The following NRXN3 variants were observed in gnomAD, a reference collection of about 807,000 sequenced individuals.
NRXN3 encodes the protein neurexin III.
Under a neutral mutation model 137.6 loss-of-function variants are expected in NRXN3, and 32 were observed. That is an observed-to-expected ratio of 0.23 (90% confidence interval 0.18 to 0.31). The LOEUF is 0.31. Ranked by LOEUF, NRXN3 falls within the 10% of genes least tolerant of loss-of-function variation. The probability of loss-of-function intolerance (pLI) is 1.00; values close to 1 mark genes in which losing one functional copy is unlikely to be tolerated. For synonymous variants in NRXN3, 798 were observed against 784.5 expected (o/e 1.02, Z -0.29); for missense variants, 1,574 against 2,062.5 (o/e 0.76, Z 4.59).
intron 15 of NRXN3, among the ~76,000 whole-genome samples, chr14:79,162,456 T>C (rs575202666): frequency 9.4e-4 from 143 of 152,020 alleles, no homozygotes; most frequent in Non-Finnish European, 1.8e-3. Flanking sequence ...TCCATGTCCC[T>C]ACAAAGGACG....
intron 15 of NRXN3, among the ~76,000 whole-genome samples, chr14:79,030,194 T>C (rs2099605352): frequency 1.3e-5 from 2 of 151,734 alleles, no homozygotes; most frequent in South Asian, 4.2e-4. Flanking sequence ...TATAGAACAT[T>C]TAGCAGCATT....
At chr14:78,678,559 T>C (rs1252669260) in intron 6 of NRXN3, among the ~76,000 whole-genome samples, 1 of 152,170 alleles carries the variant, frequency 6.6e-6, no homozygotes, top group Non-Finnish European at 1.5e-5. Context: ...TTACTAGGTA[T>C]TGCCAAATTG....
chr14:79,208,541 T>A (rs1433335398), intron 15 of NRXN3, among the ~76,000 whole-genome samples: 1 of 152,214 alleles, frequency 6.6e-6, no homozygotes, highest in African/African-American at 2.4e-5. Flanking sequence ...TTAATATTCA[T>A]CTAAACTTTT....
At chr14:78,688,886 C>T (rs528376357) in intron 6 of NRXN3, among the ~76,000 whole-genome samples, 3 of 151,662 alleles carry the variant, frequency 2.0e-5, no homozygotes, top group South Asian at 4.2e-4. Flanking sequence ...TTAATAAAAT[C>T]AGGAGAAAAA....
chr14:79,132,914 G>C (rs567439010), intron 15 of NRXN3, among the ~76,000 whole-genome samples: 25 of 152,278 alleles, frequency 1.6e-4, no homozygotes, highest in African/African-American at 5.5e-4. Context: ...GTCCTGAGTT[G>C]GGCCAAGATG....
rs570263879 is a variant in NRXN3 at position 79,063,283 on chromosome 14, T to TTTTCTG, written c.3262+75145_3262+75146insCTGTTT. On this transcript the variant is annotated intron_variant, in intron 15 of 20. Coordinates refer to ENST00000335750, the MANE Select transcript of NRXN3 (RefSeq NM_001330195.2). Reference sequence around the variant, plus strand: ...TTGACAGTTATTTTATGTTTTTTTGTTTTTTGTTTTTGTTTTTGAGATGGA... The same window carrying TTTTCTG: ...TTGACAGTTATTTTATGTTTTTTTGTTTTCTGTTTTTGTTTTTGTTTTTGAGATGGA... Among the ~76,000 whole-genome samples the TTTTCTG allele has an allele frequency of 6.9e-4, 105 of 152,216 alleles. 1 individual carries two copies. The highest frequency in any genetic ancestry group is 2.0e-3 in the Admixed American group (30 of 15,276).
intron 19 of NRXN3, among the ~76,000 whole-genome samples, chr14:79,704,445 C>G (rs1295259930): frequency 6.6e-6 from 1 of 152,120 alleles, no homozygotes; most frequent in East Asian, 1.9e-4. Flanking sequence ...CCCTCTGGGT[C>G]CTTCCACCTT....
chr14:78,711,678 T>C (rs2098409573), intron 7 of NRXN3, among the ~76,000 whole-genome samples: 3 of 152,088 alleles, frequency 2.0e-5, no homozygotes. Context: ...TGACCTCAGA[T>C]GATCAACCCA....
At chr14:79,504,483 AG>A (rs1222601319) in intron 16 of NRXN3, among the ~76,000 whole-genome samples, 5 of 151,604 alleles carry the variant, frequency 3.3e-5, no homozygotes, top group Non-Finnish European at 7.4e-5. Context: ...AAAGACTACC[AG>A]GATTAAACCA....
intron 2 of NRXN3, among the ~76,000 whole-genome samples, chr14:78,272,598 C>T (rs1293233880): frequency 6.6e-6 from 1 of 152,202 alleles, no homozygotes; most frequent in Non-Finnish European, 1.5e-5. Flanking sequence ...GCATTTTACC[C>T]CTTTCCTCTG....
At chr14:78,878,325 C>G (rs1209890840) in intron 10 of NRXN3, among the ~76,000 whole-genome samples, 1 of 152,118 alleles carries the variant, frequency 6.6e-6, no homozygotes, top group Non-Finnish European at 1.5e-5. Context: ...GCACAAGTAA[C>G]CTTCAGAGAA....
At chr14:79,055,137 G>C (rs2099655542) in intron 15 of NRXN3, among the ~76,000 whole-genome samples, 1 of 152,136 alleles carries the variant, frequency 6.6e-6, no homozygotes, top group African/African-American at 2.4e-5. Context: ...GGCGTTAGCT[G>C]TCTCTATGTT....
At chr14:79,749,707 T>C (rs149884358) in intron 19 of NRXN3, among the ~76,000 whole-genome samples, 427 of 152,238 alleles carry the variant, frequency 2.8e-3, no homozygotes, top group African/African-American at 9.7e-3. Flanking sequence ...CCTCACCACA[T>C]TGAGGTGAGG....
chr14:79,191,292 G>C (rs1177815100), intron 15 of NRXN3, among the ~76,000 whole-genome samples: 2 of 152,204 alleles, frequency 1.3e-5, no homozygotes, highest in Non-Finnish European at 2.9e-5. Context: ...GAAATACAAA[G>C]GCATGGCCAG....
chr14:79,420,645 CA>C (rs2095562662), intron 15 of NRXN3, among the ~76,000 whole-genome samples: 1 of 151,986 alleles, frequency 6.6e-6, no homozygotes, highest in South Asian at 2.1e-4. Flanking sequence ...TTTATAAAAC[CA>C]AAAAGCAAGC....
At chr14:79,020,266 C>T (rs868652844) in intron 15 of NRXN3, among the ~76,000 whole-genome samples, 6 of 71,826 alleles carry the variant, frequency 8.4e-5, no homozygotes, top group Non-Finnish European at 1.2e-4. Context: ...CCCCTCCCCT[C>T]CCCTTCCCTT....
At chr14:79,714,976 C>T (rs117491914) in intron 19 of NRXN3, among the ~76,000 whole-genome samples, 3,078 of 152,132 alleles carry the variant, frequency 0.02, 39 homozygotes, top group African/African-American at 0.035. Flanking sequence ...TTTCTTGAGA[C>T]GGTGTCTCAC....
intron 2 of NRXN3, among the ~76,000 whole-genome samples, chr14:78,257,567 C>A (rs1266181912): frequency 6.6e-6 from 1 of 152,168 alleles, no homozygotes; most frequent in Admixed American, 6.5e-5. Flanking sequence ...GACATGGAAG[C>A]ATTAATTGGG....
intron 2 of NRXN3, among the ~76,000 whole-genome samples, chr14:78,258,934 C>A (rs761092914): frequency 2.0e-5 from 3 of 151,962 alleles, no homozygotes; most frequent in Non-Finnish European, 4.4e-5. Flanking sequence ...AGTTTGAGAC[C>A]AGCCTGGCCA....
Sources: allele counts gnomAD v4.1 joint callset (sites outside exome capture counted in the v4.1 genomes callset), GRCh38; gene constraint gnomAD v4.1.1; transcripts MANE v1.5; gene names NCBI Gene and HGNC (gene_info 2026-07-23, HGNC 2026-07-21).